Variants in TRAPPC9 observed in about 807,000 individuals in gnomAD.
TRAPPC9 encodes the protein trafficking protein particle complex subunit 9.
TRAPPC9 carries 83 observed loss-of-function variants against 124.0 expected under a neutral mutation model. The observed-to-expected ratio is 0.67, with a 90% CI of 0.56 to 0.80. TRAPPC9 has a LOEUF of 0.80. Ranked by LOEUF, TRAPPC9 falls within the 30% of genes least tolerant of loss-of-function variation. The pLI, the probability that TRAPPC9 is intolerant of heterozygous loss-of-function variation, is 0.00. For synonymous variants in TRAPPC9, 638 were observed against 617.5 expected (o/e 1.03, Z -0.49); for missense variants, 1,302 against 1,508.3 (o/e 0.86, Z 2.27).
At chr8:139,928,218 A>G (rs971558092) in intron 19 of TRAPPC9, among the ~76,000 whole-genome samples, 4 of 152,216 alleles carry the variant, frequency 2.6e-5, no homozygotes, top group African/African-American at 9.6e-5. Flanking sequence ...TGGGTTGGGT[A>G]CAGTGGCTCA....
intron 21 of TRAPPC9, among the ~76,000 whole-genome samples, chr8:139,832,559 A>G (rs1188717569): frequency 6.6e-6 from 1 of 152,158 alleles, no homozygotes; most frequent in Non-Finnish European, 1.5e-5. Context: ...CCCAGGACTC[A>G]GCTTTGCCAC....
chr8:140,202,126 C>T (rs1311080181), intron 17 of TRAPPC9, among the ~76,000 whole-genome samples: 5 of 146,776 alleles, frequency 3.4e-5, no homozygotes, highest in Non-Finnish European at 5.9e-5. Flanking sequence ...CAACACATTA[C>T]GGTTGTTTGG....
At chr8:140,286,880 A>G (rs2065498660) in intron 13 of TRAPPC9, among the ~76,000 whole-genome samples, 1 of 152,090 alleles carries the variant, frequency 6.6e-6, no homozygotes, top group African/African-American at 2.4e-5. Context: ...GAAGAGGAAG[A>G]GTTAACAGGG....
intron 17 of TRAPPC9, among the ~76,000 whole-genome samples, chr8:140,194,698 T>C (rs2062594047): frequency 6.6e-6 from 1 of 152,180 alleles, no homozygotes; most frequent in Admixed American, 6.5e-5. Context: ...CCAGCTCTGG[T>C]ATCAACTGTC....
intron 9 of TRAPPC9, among the ~76,000 whole-genome samples, chr8:140,313,518 G>A (rs1181521756): frequency 2.0e-5 from 3 of 152,192 alleles, no homozygotes; most frequent in Admixed American, 6.5e-5. Context: ...GAGAACCCCC[G>A]TGTTTGTGCT....
chr8:139,903,087 C>A (rs1486446192), intron 20 of TRAPPC9, among the ~76,000 whole-genome samples: 2 of 152,192 alleles, frequency 1.3e-5, no homozygotes, highest in African/African-American at 4.8e-5. Flanking sequence ...GCCTGGGCTC[C>A]CTGTGCCCGG....
chr8:140,096,660 G>T (rs1351145532), intron 17 of TRAPPC9: 1 of 152,204 alleles, frequency 6.6e-6, no homozygotes, highest in Non-Finnish European at 1.5e-5. Context: ...ACAAAGTCAG[G>T]GAAATTGTAA....
intron 9 of TRAPPC9, among the ~76,000 whole-genome samples, chr8:140,318,825 T>C (rs1239799378): frequency 1.3e-5 from 2 of 152,226 alleles, no homozygotes; most frequent in Non-Finnish European, 2.9e-5. Flanking sequence ...CTGAAATTAT[T>C]TTCTCATGGT....
chr8:140,225,306 G>A (rs2063422059), intron 16 of TRAPPC9, among the ~76,000 whole-genome samples: 1 of 152,116 alleles, frequency 6.6e-6, no homozygotes, highest in South Asian at 2.1e-4. Context: ...ATAAATTACA[G>A]GGTCAAATCC....
chr8:139,805,096 C>A (rs1642625285), intron 21 of TRAPPC9, among the ~76,000 whole-genome samples: 1 of 152,232 alleles, frequency 6.6e-6, no homozygotes, highest in South Asian at 2.1e-4. Flanking sequence ...CTTCATCATG[C>A]ATCCCATTGG....
intron 12 of TRAPPC9, among the ~76,000 whole-genome samples, chr8:140,289,520 C>T (rs1256784361): frequency 6.6e-6 from 1 of 152,200 alleles, no homozygotes; most frequent in African/African-American, 2.4e-5. Flanking sequence ...TGTAACATTT[C>T]ATAGGTTTAA....
chr8:140,156,493 A>G (rs2061632974), intron 17 of TRAPPC9, among the ~76,000 whole-genome samples: 1 of 152,250 alleles, frequency 6.6e-6, no homozygotes, highest in African/African-American at 2.4e-5. Context: ...TTTTTTAATT[A>G]CATATTTATT....
intron 20 of TRAPPC9, among the ~76,000 whole-genome samples, chr8:139,905,719 T>C (rs1831313548): frequency 6.6e-6 from 1 of 151,770 alleles, no homozygotes; most frequent in South Asian, 2.1e-4. Context: ...AGCTAACACA[T>C]AGCAGCCACA....
chr8:139,978,831 G>A (rs542961602), intron 19 of TRAPPC9, among the ~76,000 whole-genome samples: 6 of 152,362 alleles, frequency 3.9e-5, no homozygotes, highest in African/African-American at 1.4e-4. Context: ...AGGGGCTGAA[G>A]GCAGGCCGAG....
intron 18 of TRAPPC9, among the ~76,000 whole-genome samples, chr8:140,002,712 G>A (rs528561621): frequency 1.3e-5 from 2 of 152,022 alleles, no homozygotes; most frequent in South Asian, 2.1e-4. Flanking sequence ...TAGTTCTCTG[G>A]AGCAGAATAA....
At chr8:139,863,249 C>T (rs554254270) in intron 21 of TRAPPC9, among the ~76,000 whole-genome samples, 18 of 152,370 alleles carry the variant, frequency 1.2e-4, no homozygotes, top group Middle Eastern at 3.4e-3. Context: ...GGCGCGGTCC[C>T]TGTCTCCCCA....
At chr8:139,849,715 C>T (rs1827327049) in intron 21 of TRAPPC9, among the ~76,000 whole-genome samples, 1 of 152,190 alleles carries the variant, frequency 6.6e-6, no homozygotes, top group African/African-American at 2.4e-5. Context: ...GTGCTCAGTG[C>T]TCTCTGCCCT....
chr8:139,816,496 T>C (rs12334562), intron 21 of TRAPPC9, among the ~76,000 whole-genome samples: 54,984 of 151,692 alleles, frequency 0.36, 10,965 homozygotes, highest in East Asian at 0.57. Context: ...GCTGCCCCCA[T>C]CTCAGTATGG....
chr8:140,434,298 T>C (rs1296543373), intron 4 of TRAPPC9, among the ~76,000 whole-genome samples: 1 of 152,210 alleles, frequency 6.6e-6, no homozygotes, highest in African/African-American at 2.4e-5. Flanking sequence ...TCCTGAGCCA[T>C]TAAAGGCAGG....
Sources: gnomAD v4.1 joint callset for allele counts (sites outside exome capture counted in the v4.1 genomes callset) on GRCh38, gnomAD v4.1.1 for gene constraint, MANE v1.5 for transcripts, NCBI Gene and HGNC (gene_info 2026-07-23, HGNC 2026-07-21) for gene names.